Variants in ZNF804B observed in about 807,000 individuals in gnomAD.
ZNF804B encodes the protein zinc finger 804B.
In ZNF804B, 80 loss-of-function variants were observed where a neutral mutation model predicts 101.4. The ratio of observed to expected loss-of-function variants is 0.79; its 90% CI spans 0.66 to 0.95. ZNF804B has a LOEUF of 0.95. Ranked by LOEUF, ZNF804B falls within the 40% of genes least tolerant of loss-of-function variation. The probability of loss-of-function intolerance (pLI) is 0.00; values close to 1 mark genes in which losing one functional copy is unlikely to be tolerated. For missense variants in ZNF804B, 1,673 were observed against 1,561.9 expected (o/e 1.07, Z -1.20); for synonymous variants, 622 against 558.8 (o/e 1.11, Z -1.59).
intron 1 of ZNF804B, among the ~76,000 whole-genome samples, chr7:88,831,666 A>C (rs532767544): frequency 6.6e-6 from 1 of 152,026 alleles, no homozygotes; most frequent in East Asian, 1.9e-4. Flanking sequence ...AGATTATTTA[A>C]AAAATTATCT....
rs534688501 is a variant in ZNF804B at position 88,775,395 on chromosome 7, C to T, written c.108+15311C>T. On this transcript the variant is annotated intron_variant, in intron 1 of 3. Coordinates refer to ENST00000333190, the MANE Select transcript of ZNF804B (RefSeq NM_181646.5). ...AACAACCATGCAGGACCCTGTAGGC[C>T]CTGTAACAAGGAAATAAGAAAATCA... 7.3e-4 allele frequency among the ~76,000 whole-genome samples: 111 copies of T among 152,164 alleles called. 1 individual carries two copies. Among genetic ancestry groups the T allele is most frequent in the African/African-American group, 2.5e-3 (105 of 41,526 alleles).
intron 1 of ZNF804B, among the ~76,000 whole-genome samples, chr7:89,078,120 T>C (rs1339049180): frequency 6.6e-6 from 1 of 152,110 alleles, no homozygotes; most frequent in Admixed American, 6.6e-5. Flanking sequence ...AACTTAGTAA[T>C]GGGATAGTGA....
intron 1 of ZNF804B, among the ~76,000 whole-genome samples, chr7:88,847,400 T>C (rs1791390805): frequency 6.6e-6 from 1 of 152,112 alleles, no homozygotes; most frequent in Non-Finnish European, 1.5e-5. Flanking sequence ...AAAATATATT[T>C]AGCTTTAGGA....
chr7:88,764,138 G>A (rs547680659), intron 1 of ZNF804B, among the ~76,000 whole-genome samples: 2 of 152,200 alleles, frequency 1.3e-5, no homozygotes, highest in South Asian at 2.1e-4. Context: ...ATCTGAAATA[G>A]CATCTCAAGT....
intron 1 of ZNF804B, among the ~76,000 whole-genome samples, chr7:88,952,173 G>C (rs781521487): frequency 1.3e-5 from 2 of 151,700 alleles, no homozygotes; most frequent in Non-Finnish European, 2.9e-5. Flanking sequence ...TGGCTTTGTT[G>C]ACTGAGCTGT....
At chr7:89,123,864 AG>A (rs1394072253) in intron 1 of ZNF804B, among the ~76,000 whole-genome samples, 1 of 152,174 alleles carries the variant, frequency 6.6e-6, no homozygotes, top group African/African-American at 2.4e-5. Context: ...AGGATTTATA[AG>A]ACTCCATGGA....
intron 1 of ZNF804B, among the ~76,000 whole-genome samples, chr7:88,774,995 T>G (rs1790120292): frequency 6.6e-6 from 1 of 152,210 alleles, no homozygotes; most frequent in Non-Finnish European, 1.5e-5. Context: ...GGGTCCTTAC[T>G]ACATACTGGG....
chr7:88,928,465 A>G (rs1438093148), intron 1 of ZNF804B, among the ~76,000 whole-genome samples: 1 of 152,162 alleles, frequency 6.6e-6, no homozygotes, highest in Non-Finnish European at 1.5e-5. Context: ...ATATTTGGGA[A>G]GTGTCAAGTG....
intron 1 of ZNF804B, among the ~76,000 whole-genome samples, chr7:89,026,241 G>A (rs1788749631): frequency 6.6e-6 from 1 of 152,148 alleles, no homozygotes; most frequent in Non-Finnish European, 1.5e-5. Flanking sequence ...GATATGATGT[G>A]CTTAGGAGTA....
chr7:88,951,617 G>C (rs982426115), intron 1 of ZNF804B, among the ~76,000 whole-genome samples: 2 of 151,766 alleles, frequency 1.3e-5, no homozygotes, highest in Admixed American at 6.6e-5. Context: ...TTACATTCAA[G>C]AAGTTCAACA....
Position 89,334,100 on chromosome 7 carries a change from A to C in ZNF804B, c.1118A>C (p.Tyr373Ser), listed in dbSNP as rs1302304373. The C allele has an allele frequency of 1.2e-6, 2 of 1,613,756 alleles. No homozygotes were observed. The highest frequency in any genetic ancestry group is 3.3e-5 in the Admixed American group (2 of 59,894). Residue 373 changes from tyrosine to serine, a missense_variant, in exon 4 of 4, where the codon TAC (tyrosine) becomes TCC (serine). Coordinates refer to ENST00000333190, the MANE Select transcript of ZNF804B (RefSeq NM_181646.5). ...GCTTCCTTCAGCCCACCAAACATTT[A>C]CAACCATAGTGATGCCAGGATATCT... is the stretch of plus-strand genomic sequence containing the variant. ...ANASFSPPNI[Y>S]NHSDARISEC...
At chr7:88,980,231 G>A (rs914426348) in intron 1 of ZNF804B, among the ~76,000 whole-genome samples, 1 of 151,910 alleles carries the variant, frequency 6.6e-6, no homozygotes, top group East Asian at 1.9e-4. Flanking sequence ...ATTTTGTTGA[G>A]CTTCTTCAGA....
intron 1 of ZNF804B, among the ~76,000 whole-genome samples, chr7:89,111,588 A>G (rs2116352878): frequency 6.6e-6 from 1 of 152,220 alleles, no homozygotes; most frequent in South Asian, 2.1e-4. Context: ...TTGCATTTTA[A>G]GAATTGTTTG....
intron 1 of ZNF804B, among the ~76,000 whole-genome samples, chr7:89,133,088 C>T (rs1312791321): frequency 3.3e-5 from 5 of 151,812 alleles, no homozygotes; most frequent in Non-Finnish European, 7.4e-5. Context: ...TATCTCAGAC[C>T]GAAATTTACT....
At chr7:89,065,808 A>G (rs568691004) in intron 1 of ZNF804B, among the ~76,000 whole-genome samples, 1 of 152,004 alleles carries the variant, frequency 6.6e-6, no homozygotes, top group East Asian at 1.9e-4. Flanking sequence ...CCATCTTCGG[A>G]TCCTCTTTTG....
At chr7:88,844,238 A>G (rs1791335951) in intron 1 of ZNF804B, among the ~76,000 whole-genome samples, 1 of 152,310 alleles carries the variant, frequency 6.6e-6, no homozygotes, top group Admixed American at 6.5e-5. Flanking sequence ...AATTTCCTTA[A>G]TATTGTCTAA....
Position 88,858,830 on chromosome 7 carries a change from G to A in ZNF804B, c.108+98746G>A, listed in dbSNP as rs74663422. Among the ~76,000 whole-genome samples, 15 of 152,046 alleles carry A rather than the reference G, an allele frequency of 9.9e-5. No individual in the cohort carries two copies. In the East Asian group the frequency reaches 2.7e-3, roughly 27 times the overall value. ...CATTATGTATTTGAGAAAACACAGC[G>A]GCAACAACTGTGAACTTGATGCCAA... On this transcript the variant is annotated intron_variant, in intron 1 of 3. Coordinates refer to ENST00000333190, the MANE Select transcript of ZNF804B (RefSeq NM_181646.5).
intron 1 of ZNF804B, among the ~76,000 whole-genome samples, chr7:89,119,230 T>C (rs145375523): frequency 0.01 from 1,560 of 152,284 alleles, 10 homozygotes; most frequent in Non-Finnish European, 0.016. Flanking sequence ...TCAAGGGACA[T>C]TAAAAATTAT....
intron 2 of ZNF804B, among the ~76,000 whole-genome samples, chr7:89,298,129 ATATATATATATATCATATATATAG>A (rs1252939095): frequency 0.019 from 30 of 1,610 alleles, no homozygotes; most frequent in African/African-American, 0.11. Context: ...TCATATAAAT[ATATATATATATATCATATATATAG>A]TATATATATA....
Sources: gnomAD v4.1 joint callset for allele counts (sites outside exome capture counted in the v4.1 genomes callset) on GRCh38, gnomAD v4.1.1 for gene constraint, MANE v1.5 for transcripts, NCBI Gene and HGNC (gene_info 2026-07-23, HGNC 2026-07-21) for gene names.